The following RBMS2 variants were observed in gnomAD, a reference collection of about 807,000 sequenced individuals.
The protein encoded by RBMS2 is RNA binding motif single stranded interacting protein 2.
Under a neutral mutation model 58.4 loss-of-function variants are expected in RBMS2, and 38 were observed. The observed-to-expected ratio is 0.65, with a 90% confidence interval of 0.50 to 0.85. The LOEUF (loss-of-function observed/expected upper bound fraction) is 0.85. RBMS2 is among the 40% of genes least tolerant of loss of function. The probability of loss-of-function intolerance (pLI) is 0.00; values close to 1 mark genes in which losing one functional copy is unlikely to be tolerated. For synonymous variants in RBMS2, 151 were observed against 180.7 expected (o/e 0.84, Z 1.32); for missense variants, 367 against 503.7 (o/e 0.73, Z 2.60).
chr12:56,552,104 G>A (rs1487877292), intron 1 of RBMS2, among the ~76,000 whole-genome samples: 3 of 152,188 alleles, frequency 2.0e-5, no homozygotes, highest in African/African-American at 4.8e-5. Context: ...GTGTGATGAC[G>A]AGTCTTGAAG....
chr12:56,588,732 T>A, intron 12 of RBMS2, 200 bp from the exon 13 acceptor site: 1 of 618,762 alleles, frequency 1.6e-6, no homozygotes, highest in Admixed American at 2.9e-5. Context: ...TGGCTTGTAT[T>A]GACTAATGCG....
In RBMS2 at chr12:56,590,657, C is replaced by G. The variant is rs1885241271; in HGVS notation, c.*1524C>G. 1 of 152,206 alleles carries G rather than the reference C, an allele frequency of 6.6e-6. No homozygotes were observed. Among genetic ancestry groups the G allele is most frequent in the Non-Finnish European group, 1.5e-5 (1 of 68,040 alleles). The allele number at this position is 152,206 out of a possible 1,614,324, so 9.4% of individuals were successfully genotyped here. On this transcript the variant is annotated 3_prime_UTR_variant, in exon 14 of 14. Coordinates refer to ENST00000262031, the MANE Select transcript of RBMS2 (RefSeq NM_002898.4). ...AGGACTGGACTGGGATCCTTGAATT[C>G]TCCCCAGACTTTGACTTTTGATAAC... is the stretch of plus-strand genomic sequence containing the variant.
At chr12:56,545,378 C>A (rs572267536) in intron 1 of RBMS2, among the ~76,000 whole-genome samples, 3 of 152,034 alleles carry the variant, frequency 2.0e-5, no homozygotes, top group Non-Finnish European at 4.4e-5. Flanking sequence ...TAAACATGTA[C>A]CTCATCACAT....
chr12:56,542,639 C>T (rs148752177), intron 1 of RBMS2, among the ~76,000 whole-genome samples: 1,613 of 150,412 alleles, frequency 0.011, 26 homozygotes, highest in African/African-American at 0.037. Flanking sequence ...GCCTCAACCT[C>T]CTCGGCTCAA....
At chr12:56,577,727 G>A (rs1883346302) in intron 5 of RBMS2, among the ~76,000 whole-genome samples, 1 of 152,004 alleles carries the variant, frequency 6.6e-6, no homozygotes, top group East Asian at 1.9e-4. Context: ...CTGTCGCCCA[G>A]GCTGGAGTGC....
chr12:56,573,117 C>CT (rs1447500750), intron 5 of RBMS2: 2 of 977,694 alleles, frequency 2.0e-6, no homozygotes, highest in Non-Finnish European at 2.4e-6. Flanking sequence ...CCCCTTTTTG[C>CT]TTTATATCTT....
chr12:56,531,308 G>A (rs925438087), intron 1 of RBMS2, among the ~76,000 whole-genome samples: 1 of 151,908 alleles, frequency 6.6e-6, no homozygotes, highest in African/African-American at 2.4e-5. Context: ...ATGTGATTAA[G>A]CTATCACATT....
rs549652143 is a variant in RBMS2, at chr12:56,588,100, C to T, written c.1063-194C>T. 7.9e-5 allele frequency among the ~76,000 whole-genome samples: 12 copies of T among 152,242 alleles called. 1 individual carries two copies. In the South Asian group the frequency reaches 2.5e-3, roughly 32 times the overall value. On this transcript the variant is annotated intron_variant, in intron 11 of 13. Transcript: ENST00000262031. ...GTCAGGAAAGAGGAGGAAAATAAGT[C>T]ATATAGGGAGACGTCTCCCTAACAG...
chr12:56,550,380 A>G (rs934860992), intron 1 of RBMS2, among the ~76,000 whole-genome samples: 3 of 151,972 alleles, frequency 2.0e-5, no homozygotes, highest in African/African-American at 7.3e-5. Context: ...AAATACAAAA[A>G]TTAGCCAGGT....
chr12:56,583,593 G>T (rs1350537532), intron 9 of RBMS2, among the ~76,000 whole-genome samples: 3 of 151,986 alleles, frequency 2.0e-5, no homozygotes, highest in African/African-American at 7.3e-5. Flanking sequence ...GGCAGAGGTT[G>T]TGGTGAGCCG....
Position 56,592,497 on chromosome 12 carries a change from G to C in RBMS2, c.*3364G>C, listed in dbSNP as rs1256524452. ...TCAGGAAGATGTGGAGATGATGATG[G>C]AGAGAGATGTTTTTATTTTATTTTA... On this transcript the variant is annotated 3_prime_UTR_variant, in exon 14 of 14. Transcript: ENST00000262031. 6.6e-6 allele frequency: 1 copy of C among 152,084 alleles called. No homozygotes were observed. Among genetic ancestry groups the C allele is most frequent in the Non-Finnish European group, 1.5e-5 (1 of 68,056 alleles). 9.4% of individuals were successfully genotyped at this position (152,084 alleles called of 1,614,324 possible).
At chr12:56,562,134 A>ACAC (rs1880541325) in intron 1 of RBMS2, among the ~76,000 whole-genome samples, 1 of 152,136 alleles carries the variant, frequency 6.6e-6, no homozygotes, top group Non-Finnish European at 1.5e-5. Context: ...GGAAATCCTA[A>ACAC]TGTAAGTGCT....
At position 56,586,888 on chromosome 12, in the gene RBMS2, T is replaced by A; in HGVS notation, c.913T>A (p.Ser305Thr). The A allele has an allele frequency of 8.7e-6, 14 of 1,613,992 alleles. No homozygotes were observed. Among genetic ancestry groups the A allele is most frequent in the Non-Finnish European group, 1.2e-5 (14 of 1,179,870 alleles). The change falls in exon 10 of 14, where the codon TCC becomes ACC. Residue 305 changes from serine to threonine, a missense_variant. Ser to Thr is a moderately conservative substitution (Grantham distance 58, BLOSUM62 1). Coordinates refer to ENST00000262031, the MANE Select transcript of RBMS2 (RefSeq NM_002898.4). ...ATCTCCTCTACAAGTACCTAACCCA[T>A]CCTGGATGCACCACCATTCATACCT... ...QTSPLQVPNP[S>T]WMHHHSYLMQ...
At chr12:56,586,948 G>A (rs750833874) in intron 10 of RBMS2, 22 bp downstream of exon 10, 1 of 1,600,472 alleles carries the variant, frequency 6.2e-7, no homozygotes, top group Non-Finnish European at 8.6e-7. Context: ...GAAGTGGGCA[G>A]AAGCCAAAGA....
intron 2 of RBMS2, among the ~76,000 whole-genome samples, chr12:56,564,404 T>C (rs1880971335): frequency 6.6e-6 from 1 of 152,162 alleles, no homozygotes; most frequent in Non-Finnish European, 1.5e-5. Context: ...GATCTTGTTC[T>C]GTCACCAAGG....
At chr12:56,521,508 T>G (rs1871723180), upstream of RBMS2, among the ~76,000 whole-genome samples, 1 of 144,246 alleles carries the variant, frequency 6.9e-6, no homozygotes, top group South Asian at 2.2e-4. Flanking sequence ...CTCTGTTTTT[T>G]TTTTTTTTTT....
At chr12:56,559,417 A>G (rs1879934531) in intron 1 of RBMS2, among the ~76,000 whole-genome samples, 2 of 150,338 alleles carry the variant, frequency 1.3e-5, no homozygotes, top group African/African-American at 4.9e-5. Context: ...CCATCTCCTG[A>G]CCTCGTGATC....
intron 5 of RBMS2, chr12:56,572,813 A>G: frequency 2.0e-6 from 2 of 985,168 alleles, no homozygotes; most frequent in Non-Finnish European, 2.4e-6. Context: ...CCTGTATTCC[A>G]GAACAATTCT....
rs974093602 is a variant in RBMS2 at position 56,569,994 on chromosome 12, A to G, written c.384+4A>G. 1 of 1,605,036 alleles carries G rather than the reference A, an allele frequency of 6.2e-7. No homozygotes were observed. The highest frequency in any genetic ancestry group is 1.7e-5 in the Admixed American group (1 of 59,992). On this transcript the variant is annotated splice_donor_region_variant and intron_variant, in intron 4 of 13. Transcript: ENST00000262031. ...TGTACAGGCACAGATGGCAAAGGTA[A>G]GGGTACTACCCCATGTCTGTTCCTC...
Sources: gnomAD v4.1 joint callset for allele counts (sites outside exome capture counted in the v4.1 genomes callset) on GRCh38, gnomAD v4.1.1 for gene constraint, MANE v1.5 for transcripts, NCBI Gene and HGNC (gene_info 2026-07-23, HGNC 2026-07-21) for gene names.